DLST: variants seen among roughly 807,000 people sequenced by gnomAD.
The protein encoded by DLST is dihydrolipoamide S-succinyltransferase, also known as dihydrolipoyllysine-residue succinyltransferase component of 2-oxoglutarate dehydrogenase complex, mitochondrial.
In DLST, 17 loss-of-function variants were observed where a neutral mutation model predicts 53.1. The observed-to-expected ratio is 0.32, with a 90% CI of 0.22 to 0.48. DLST has a LOEUF of 0.48. Among genes scored for constraint, DLST ranks in the 20% least tolerant of loss-of-function variants. The pLI is 0.99. For missense variants in DLST, 512 were observed against 583.9 expected (o/e 0.88, Z 1.27); for synonymous variants, 206 against 204.8 (o/e 1.01, Z -0.05).
At position 74,881,988 on chromosome 14, in the gene DLST, T is replaced by G; in HGVS notation, c.35T>G (p.Phe12Cys). ...CGATCCCGCTGTGTGTCTCGGGCGT[T>G]CAGCCGCTCGCTCTCCGCCTTCCAG... ...LSRSRCVSRA[F>C]SRSLSAFQKG... Residue 12 changes from phenylalanine (F) to cysteine (C), a missense_variant, in exon 1 of 15, where the codon TTC becomes TGC. Transcript: ENST00000334220. The G allele has an allele frequency of 1.3e-6, 2 of 1,573,076 alleles. No homozygotes were observed. The highest frequency in any genetic ancestry group is 2.7e-5 in the African/African-American group (2 of 73,392).
intron 12 of DLST, 126 bp downstream of exon 12, chr14:74,900,122 CT>C (rs950134279): frequency 3.7e-5 from 40 of 1,075,162 alleles, no homozygotes; most frequent in East Asian, 1.7e-4. Flanking sequence ...TAAAAGTAAC[CT>C]TTTTTTTCTT....
intron 10 of DLST, among the ~76,000 whole-genome samples, chr14:74,896,394 C>T (rs187353202): frequency 1.3e-5 from 2 of 152,202 alleles, no homozygotes; most frequent in Non-Finnish European, 1.5e-5. Flanking sequence ...ATATTTAATT[C>T]AGGAAGCAAG....
At chr14:74,899,032 C>T (rs1256486812) in intron 11 of DLST, among the ~76,000 whole-genome samples, 1 of 152,214 alleles carries the variant, frequency 6.6e-6, no homozygotes. Context: ...ACACACTTCT[C>T]TGTTCCTTGG....
At chr14:74,889,854 C>G in intron 5 of DLST, 43 bp from the exon 6 acceptor site, 1 of 1,604,884 alleles carries the variant, frequency 6.2e-7, no homozygotes, top group South Asian at 1.1e-5. Context: ...ACTGGAGGCT[C>G]CCCGCTAACA....
At chr14:74,894,985 T>G (rs1297697078) in intron 10 of DLST, among the ~76,000 whole-genome samples, 1 of 151,152 alleles carries the variant, frequency 6.6e-6, no homozygotes, top group Non-Finnish European at 1.5e-5. Context: ...CCTGGCACTT[T>G]GGGAGGCCGA....
At chr14:74,882,569 A>T in intron 1 of DLST, 22 bp from the exon 2 acceptor site, 1 of 1,613,454 alleles carries the variant, frequency 6.2e-7, no homozygotes, top group Non-Finnish European at 8.5e-7. Context: ...GGTGACGTCG[A>T]TAATGTCTTC....
chr14:74,882,146 G>GCGGGCTGGGCGGCC (rs1432296605), intron 1 of DLST, 130 bp downstream of exon 1: 9 of 797,004 alleles, frequency 1.1e-5, no homozygotes, highest in Non-Finnish European at 1.0e-5. Flanking sequence ...CGGAGGCCGC[G>GCGGGCTGGGCGGCC]CGGGCTGGGC....
chr14:74,892,455 T>G lies in DLST; in HGVS notation c.443-379T>G, dbSNP rs555340010. 9.9e-5 allele frequency among the ~76,000 whole-genome samples: 15 copies of G among 152,154 alleles called. No homozygotes were observed. The South Asian group carries it at 2.9e-3, about 29-fold the overall frequency. ...TAATGTTAAAATAGAGGATGAAGAG[T>G]ATCAGTAATTAGAAATATGTTTATG... is the stretch of plus-strand genomic sequence containing the variant. On this transcript the variant is annotated intron_variant, in intron 7 of 14. Transcript: ENST00000334220.
intron 10 of DLST, among the ~76,000 whole-genome samples, chr14:74,894,807 A>T (rs1180233558): frequency 6.6e-6 from 1 of 151,338 alleles, no homozygotes; most frequent in East Asian, 2.0e-4. Context: ...TCGGCCTCCC[A>T]AAGTGCTGGG....
chr14:74,892,235 A>G (rs548510657), intron 7 of DLST, among the ~76,000 whole-genome samples: 17 of 152,262 alleles, frequency 1.1e-4, no homozygotes, highest in African/African-American at 4.1e-4. Flanking sequence ...GGCACATGCC[A>G]CCACGCCCAG....
chr14:74,901,280 A>G, intron 14 of DLST, 47 bp downstream of exon 14: 1 of 1,539,438 alleles, frequency 6.5e-7, no homozygotes, highest in Non-Finnish European at 8.8e-7. Flanking sequence ...TCTCGATGAA[A>G]GGGAAATCCA....
chr14:74,885,277 G>A (rs1233656526), intron 2 of DLST, among the ~76,000 whole-genome samples: 2 of 152,142 alleles, frequency 1.3e-5, no homozygotes, highest in Non-Finnish European at 2.9e-5. Flanking sequence ...AAACATACAG[G>A]AATAATGAAA....
At chr14:74,888,886 T>C (rs1883799040) in intron 3 of DLST, among the ~76,000 whole-genome samples, 1 of 152,176 alleles carries the variant, frequency 6.6e-6, no homozygotes, top group Non-Finnish European at 1.5e-5. Context: ...CCTGGGTCGT[T>C]AGGCTCTACT....
At chr14:74,890,242 C>G (rs1464104694) in intron 6 of DLST, among the ~76,000 whole-genome samples, 3 of 151,448 alleles carry the variant, frequency 2.0e-5, no homozygotes, top group Non-Finnish European at 2.9e-5. Flanking sequence ...ATTCTCCTGC[C>G]TCAGCCTCCC....
At chr14:74,885,749 T>G in intron 3 of DLST, 115 bp downstream of exon 3, 1 of 952,738 alleles carries the variant, frequency 1.0e-6, no homozygotes, top group African/African-American at 1.7e-5. Flanking sequence ...GAAATTGAGG[T>G]GATTATGTTG....
intron 12 of DLST, 47 bp from the exon 13 acceptor site, chr14:74,900,242 A>T: frequency 6.4e-7 from 1 of 1,551,584 alleles, no homozygotes; most frequent in Non-Finnish European, 8.9e-7. Flanking sequence ...TTAACTATAA[A>T]AGGTACTATT....
At position 74,889,493 on chromosome 14, in the gene DLST, C is replaced by T. The variant is rs1488476708; in HGVS notation, c.274+144C>T. 30 of 689,088 alleles carry T rather than the reference C, an allele frequency of 4.4e-5. 1 individual carries two copies. Among genetic ancestry groups the T allele is most frequent in the South Asian group, 1.2e-4 (6 of 49,582 alleles). 42.7% of individuals were successfully genotyped at this position (689,088 alleles called of 1,614,324 possible). A position where few individuals can be genotyped will look rare whatever the true frequency, so the allele number is the denominator to read the frequency against. On this transcript the variant is annotated intron_variant, in intron 5 of 14. Transcript: ENST00000334220. Reference sequence around the variant, plus strand: ...AAGTGATTCTCCTGCCTCAGCCTCCCGAATAGCTGGGATTACAGGTGCCCA... The same window carrying T: ...AAGTGATTCTCCTGCCTCAGCCTCCTGAATAGCTGGGATTACAGGTGCCCA...
intron 2 of DLST, among the ~76,000 whole-genome samples, chr14:74,884,304 G>A (rs1883631162): frequency 1.3e-5 from 2 of 152,164 alleles, no homozygotes; most frequent in Non-Finnish European, 2.9e-5. Flanking sequence ...CTAGCACAAT[G>A]TCGGCTTGTA....
At chr14:74,889,763 G>A (rs1883837382) in intron 5 of DLST, 134 bp from the exon 6 acceptor site, 15 of 789,670 alleles carry the variant, frequency 1.9e-5, no homozygotes, top group South Asian at 1.9e-4. Context: ...TAGCTCTGCC[G>A]TTTTCTTTAC....
Sources: allele counts gnomAD v4.1 joint callset (sites outside exome capture counted in the v4.1 genomes callset), GRCh38; gene constraint gnomAD v4.1.1; transcripts MANE v1.5; gene names NCBI Gene and HGNC (gene_info 2026-07-23, HGNC 2026-07-21).